CNTN6: variants seen among roughly 807,000 people sequenced by gnomAD.
CNTN6 encodes the protein contactin 6.
CNTN6 carries 137 observed loss-of-function variants against 122.8 expected under a neutral mutation model. The observed-to-expected ratio is 1.12, with a 90% CI of 0.97 to 1.29. The LOEUF (loss-of-function observed/expected upper bound fraction) is 1.29. Ranked by LOEUF, CNTN6 falls within the 50% of genes most tolerant of loss-of-function variation. The pLI is 0.00. For synonymous variants in CNTN6, 570 were observed against 426.0 expected (o/e 1.34, Z -4.16); for missense variants, 1,634 against 1,223.4 (o/e 1.34, Z -5.01).
chr3:1,096,742 A>C (rs948194906), intron 1 of CNTN6, among the ~76,000 whole-genome samples: 3 of 152,196 alleles, frequency 2.0e-5, no homozygotes, highest in Non-Finnish European at 2.9e-5. Context: ...AGTAAGAGAA[A>C]AAGAAAGTAC....
At chr3:1,316,360 T>C (rs1374147640) in intron 7 of CNTN6, among the ~76,000 whole-genome samples, 1 of 151,618 alleles carries the variant, frequency 6.6e-6, no homozygotes, top group Non-Finnish European at 1.5e-5. Flanking sequence ...TGGTAGAAAG[T>C]GAAGGGGAAG....
At chr3:1,265,044 C>CTTTT (rs201949693) in intron 4 of CNTN6, among the ~76,000 whole-genome samples, 4,576 of 100,478 alleles carry the variant, frequency 0.046, 77 homozygotes, top group East Asian at 0.057. Flanking sequence ...ACCGAATTTC[C>CTTTT]TTTTTTTTTT....
At chr3:1,166,767 G>C (rs2093259500) in intron 2 of CNTN6, among the ~76,000 whole-genome samples, 1 of 152,128 alleles carries the variant, frequency 6.6e-6, no homozygotes, top group Non-Finnish European at 1.5e-5. Context: ...ATCATTCTTA[G>C]CAGACTAATA....
At chr3:1,360,124 T>C (rs9837911) in intron 12 of CNTN6, among the ~76,000 whole-genome samples, 67,760 of 151,832 alleles carry the variant, frequency 0.45, 17,000 homozygotes, top group African/African-American at 0.67. Context: ...TTTGAAAGTG[T>C]CTTTATTCTG....
At chr3:1,221,449 C>T (rs952959846) in intron 3 of CNTN6, among the ~76,000 whole-genome samples, 2 of 152,056 alleles carry the variant, frequency 1.3e-5, no homozygotes, top group African/African-American at 2.4e-5. Flanking sequence ...AATTATGTGA[C>T]TTCACTGGTG....
rs113319365 is a variant in CNTN6, at chr3:1,283,731, G to T, written c.454+5223G>T. Among the ~76,000 whole-genome samples, 1,466 of 152,268 alleles carry T rather than the reference G, an allele frequency of 9.6e-3. 27 individuals are homozygous for T. The highest frequency in any genetic ancestry group is 0.034 in the African/African-American group (1,401 of 41,548). ...TATGAAACTCTCGGCGGGGCTCAGT[G>T]GCTCACACCTGTAATCCCAGCACTT... On this transcript the variant is annotated intron_variant, in intron 5 of 22. Transcript: ENST00000446702.
At chr3:1,272,943 C>A (rs955620949) in intron 4 of CNTN6, among the ~76,000 whole-genome samples, 1 of 152,202 alleles carries the variant, frequency 6.6e-6, no homozygotes, top group African/African-American at 2.4e-5. Flanking sequence ...TTGTCCCTCC[C>A]TTGCACCTTG....
chr3:1,383,239 C>T (rs1692213442), intron 18 of CNTN6, 54 bp from the exon 19 acceptor site: 3 of 1,594,138 alleles, frequency 1.9e-6, no homozygotes, highest in Non-Finnish European at 2.6e-6. Context: ...TCCCTTGTTC[C>T]ATTTTCAATG....
chr3:1,102,431 A>G (rs2090950889), intron 1 of CNTN6, among the ~76,000 whole-genome samples: 1 of 152,230 alleles, frequency 6.6e-6, no homozygotes. Context: ...AGAGTTAAGA[A>G]TAAATTAAGA....
intron 2 of CNTN6, among the ~76,000 whole-genome samples, chr3:1,149,786 C>A (rs767611425): frequency 9.9e-5 from 15 of 152,114 alleles, no homozygotes; most frequent in South Asian, 2.1e-4. Flanking sequence ...CCTTAAGTTT[C>A]ATCTTCCTGT....
At chr3:1,316,160 T>A (rs563616600) in intron 7 of CNTN6, among the ~76,000 whole-genome samples, 1 of 151,894 alleles carries the variant, frequency 6.6e-6, no homozygotes, top group Non-Finnish European at 1.5e-5. Flanking sequence ...AGCCTATGAA[T>A]TGTGTACTAT....
At chr3:1,374,112 G>A (rs371373783) in intron 16 of CNTN6, 39 bp downstream of exon 16, 54 of 1,580,476 alleles carry the variant, frequency 3.4e-5, no homozygotes, top group African/African-American at 8.2e-5. Context: ...GGAAGATTTC[G>A]TATGATACAG....
At chr3:1,165,479 C>G (rs1056866048) in intron 2 of CNTN6, among the ~76,000 whole-genome samples, 5 of 152,170 alleles carry the variant, frequency 3.3e-5, no homozygotes, top group Admixed American at 2.6e-4. Context: ...TATTGAAGCT[C>G]TAGCAGGATT....
chr3:1,383,119 A>G lies in CNTN6; in HGVS notation c.2344A>G (p.Asn782Asp). 1 of 1,614,098 alleles carries G rather than the reference A, an allele frequency of 6.2e-7. No individual in the cohort carries two copies. The highest frequency in any genetic ancestry group is 8.5e-7 in the Non-Finnish European group (1 of 1,179,952). The change falls in exon 18 of 23, where the codon AAT becomes GAT. Residue 782 changes from asparagine to aspartate, a missense_variant. Physicochemically the swap from Asn to Asp is conservative, Grantham distance 23. Transcript: ENST00000446702. ...CTTTGAAGTCAAAGTGGGTGTGTAT[A>G]ATAATGAAGGAGAAGGATCCCTGAG... Reference protein sequence around the residue: ...SPFEVKVGVYNNEGEGSLSTV... With the variant: ...SPFEVKVGVYDNEGEGSLSTV...
Position 1,329,859 on chromosome 3 carries a change from G to T in CNTN6, c.1288G>T (p.Gly430Ter). The T allele has an allele frequency of 6.2e-7, 1 of 1,610,924 alleles. No individual in the cohort carries two copies. The highest frequency in any genetic ancestry group is 8.5e-7 in the Non-Finnish European group (1 of 1,178,060). Residue 430 changes from glycine (G) to a stop codon, truncating the protein, a stop_gained, in exon 11 of 23, where the codon GGA becomes TGA. Coordinates refer to ENST00000446702, the MANE Select transcript of CNTN6 (RefSeq NM_001289080.2). LOFTEE classifies it high-confidence loss of function. ...TCAAGTTGGTGGGGATATTGTTATC[G>T]GATGCAAACCAAATGCTTTTCCCAG... is the stretch of plus-strand genomic sequence containing the variant. The part of the protein sequence containing the change: ...FVQVGGDIVI[G>*]CKPNAFPRAA...
chr3:1,158,010 C>T (rs559999073), intron 2 of CNTN6, among the ~76,000 whole-genome samples: 23 of 152,202 alleles, frequency 1.5e-4, no homozygotes, highest in African/African-American at 4.3e-4. Context: ...GGGTATATGC[C>T]CACCAGTGGG....
intron 5 of CNTN6, among the ~76,000 whole-genome samples, chr3:1,281,431 G>C (rs1209806313): frequency 6.6e-6 from 1 of 150,928 alleles, no homozygotes; most frequent in African/African-American, 2.4e-5. Context: ...AAGTAGCACA[G>C]ACTCCACAGA....
chr3:1,162,426 T>G (rs571300213), intron 2 of CNTN6, among the ~76,000 whole-genome samples: 36 of 152,302 alleles, frequency 2.4e-4, no homozygotes, highest in African/African-American at 8.4e-4. Flanking sequence ...TTCTTCTTCG[T>G]AAAAGTCTTA....
rs190165684 is a variant in CNTN6 at position 1,276,524 on chromosome 3, C to T, written c.359-1889C>T. ...ATAGCTCACGATATGCTGCTTGCTA[C>T]TGTGCTTGCTCTGAAACCTTGCCCA... is the stretch of plus-strand genomic sequence containing the variant. On this transcript the variant is annotated intron_variant, in intron 4 of 22. Coordinates refer to ENST00000446702, the MANE Select transcript of CNTN6 (RefSeq NM_001289080.2). Among the ~76,000 whole-genome samples, 230 of 152,304 alleles carry T rather than the reference C, an allele frequency of 1.5e-3. 1 individual carries two copies. The highest frequency in any genetic ancestry group is 5.5e-3 in the African/African-American group (227 of 41,566).
Sources: gnomAD v4.1 joint callset for allele counts (sites outside exome capture counted in the v4.1 genomes callset) on GRCh38, gnomAD v4.1.1 for gene constraint, MANE v1.5 for transcripts, NCBI Gene and HGNC (gene_info 2026-07-23, HGNC 2026-07-21) for gene names.